The following ZNF81 variants were observed in gnomAD, a reference collection of about 807,000 sequenced individuals.
The protein encoded by ZNF81 is zinc finger protein 81, also known as zinc finger protein 81 (HFZ20).
In ZNF81, 5 loss-of-function variants were observed where a neutral mutation model predicts 32.3. The observed-to-expected ratio is 0.15, with a 90% CI of 0.08 to 0.33. ZNF81 has a LOEUF of 0.33. Ranked by LOEUF, ZNF81 falls within the 10% of genes least tolerant of loss-of-function variation. The pLI is 1.00. For missense variants in ZNF81, 379 were observed against 479.8 expected (o/e 0.79, Z 1.96); for synonymous variants, 163 against 166.8 (o/e 0.98, Z 0.17).
Position 47,918,046 on chromosome X carries a change from C to T in ZNF81, c.*1414C>T, listed in dbSNP as rs1402273737. 1 of 110,880 alleles carries T rather than the reference C, an allele frequency of 9.0e-6. No individual in the cohort carries two copies. Among genetic ancestry groups the T allele is most frequent in the Non-Finnish European group, 1.9e-5 (1 of 52,983 alleles). 9.1% of individuals were successfully genotyped at this position (110,880 alleles called of 1,213,427 possible). A position where few individuals can be genotyped will look rare whatever the true frequency, so the allele number is the denominator to read the frequency against. On this transcript the variant is annotated 3_prime_UTR_variant, in exon 5 of 5. Transcript: ENST00000338637. ...ACTCTGTGGGAAGATAGAGAATGGA[C>T]CAAACGAACTGGTGGATCTGGCTAA...
chrX:47,860,942 T>A (rs1556882486), intron 2 of ZNF81: 1 of 112,335 alleles, frequency 8.9e-6, no homozygotes, highest in Non-Finnish European at 1.9e-5. Context: ...TCCCATGCAG[T>A]TTCCTGGGTG....
chrX:47,902,583 T>C (rs1382661942), intron 4 of ZNF81, among the ~76,000 whole-genome samples: 1 of 112,460 alleles, frequency 8.9e-6, no homozygotes, highest in Admixed American at 9.4e-5. Flanking sequence ...TTTCAAAGGA[T>C]TGAAGTCATA....
intron 4 of ZNF81, among the ~76,000 whole-genome samples, chrX:47,908,151 T>G (rs1305005142): frequency 1.8e-5 from 2 of 111,015 alleles, no homozygotes; most frequent in African/African-American, 6.5e-5. Context: ...ATACATATAT[T>G]TGACAAATGA....
At position 47,846,211 on chromosome X, in the gene ZNF81, A is replaced by C; in HGVS notation, c.-57A>C. 1 of 1,174,997 alleles carries C rather than the reference A, an allele frequency of 8.5e-7. No homozygotes were observed. The highest frequency in any genetic ancestry group is 1.1e-6 in the Non-Finnish European group (1 of 871,287). On this transcript the variant is annotated 5_prime_UTR_variant, in exon 2 of 5. Coordinates refer to ENST00000338637, the MANE Select transcript of ZNF81 (RefSeq NM_007137.5). Reference sequence around the variant, plus strand: ...CCGTTGAGTCCACCGATCCCACTGGAATTATAAAGTTGTCAGCAAGAAAGC... The same window carrying C: ...CCGTTGAGTCCACCGATCCCACTGGCATTATAAAGTTGTCAGCAAGAAAGC...
chrX:47,839,782 G>T (rs782020027), intron 1 of ZNF81, among the ~76,000 whole-genome samples: 1 of 111,912 alleles, frequency 8.9e-6, no homozygotes, highest in South Asian at 3.7e-4. Context: ...TTGAATTTAT[G>T]TGCACAAAGT....
chrX:47,850,897 A>G (rs1343068240), intron 2 of ZNF81, among the ~76,000 whole-genome samples: 1 of 41,861 alleles, frequency 2.4e-5, no homozygotes, highest in East Asian at 1.2e-3. Context: ...GCGCGCACAC[A>G]CACACACACA....
intron 2 of ZNF81, among the ~76,000 whole-genome samples, chrX:47,850,637 C>T (rs1349488693): frequency 2.9e-5 from 3 of 104,139 alleles, no homozygotes; most frequent in East Asian, 3.0e-4. Context: ...GTAAGGCTTC[C>T]GGCCAGGGAG....
chrX:47,924,293 T>C lies in ZNF81; in HGVS notation c.*7661T>C, dbSNP rs1396671169. ...CTGCTCTTCTAAAATTGAGTGATGT[T>C]ATTAAGAAGTCTTAGACAAACTTGC... On this transcript the variant is annotated 3_prime_UTR_variant, in exon 5 of 5. Transcript: ENST00000338637. Among the ~76,000 whole-genome samples, 1 of 112,192 alleles carries C rather than the reference T, an allele frequency of 8.9e-6. No homozygotes were observed. The highest frequency in any genetic ancestry group is 1.9e-5 in the Non-Finnish European group (1 of 53,250).
chrX:47,866,069 C>A (rs1320526374), intron 2 of ZNF81, among the ~76,000 whole-genome samples: 2 of 112,055 alleles, frequency 1.8e-5, no homozygotes, highest in African/African-American at 6.5e-5. Flanking sequence ...GAGAGTACTG[C>A]AAACCTGTGT....
At position 47,924,079 on chromosome X, in the gene ZNF81, T is replaced by C. The variant is rs2058784541; in HGVS notation, c.*7447T>C. 8.9e-6 allele frequency among the ~76,000 whole-genome samples: 1 copy of C among 111,822 alleles called. No individual in the cohort carries two copies. Among genetic ancestry groups the C allele is most frequent in the Non-Finnish European group, 1.9e-5 (1 of 53,181 alleles). On this transcript the variant is annotated 3_prime_UTR_variant, in exon 5 of 5. Transcript: ENST00000338637. Reference sequence around the variant, plus strand: ...TCAGATTTTCCTGAAAGCTCTGATTTATCCACCCATGCTAATGTCTCAAAA... The same window carrying C: ...TCAGATTTTCCTGAAAGCTCTGATTCATCCACCCATGCTAATGTCTCAAAA...
intron 3 of ZNF81, among the ~76,000 whole-genome samples, chrX:47,893,751 T>C (rs957517168): frequency 8.5e-5 from 9 of 106,296 alleles, no homozygotes; most frequent in Non-Finnish European, 1.5e-4. Flanking sequence ...GCTGAGATGG[T>C]ACCACTGCAC....
Position 47,924,754 on chromosome X carries a change from TC to T in ZNF81, c.*8125del, listed in dbSNP as rs1556892461. Among the ~76,000 whole-genome samples the T allele has an allele frequency of 1.8e-5, 2 of 111,576 alleles. No homozygotes were observed. The highest frequency in any genetic ancestry group is 9.6e-5 in the Admixed American group (1 of 10,471). On this transcript the variant is annotated 3_prime_UTR_variant, in exon 5 of 5. Transcript: ENST00000338637. Reference sequence around the variant, plus strand: ...ATAGTAAAGATAGAGAATGTCTCCCTCCCTGGAGACTTTCCCAGAGAAGATT... The same window carrying T: ...ATAGTAAAGATAGAGAATGTCTCCCTCCTGGAGACTTTCCCAGAGAAGATT...
chrX:47,889,875 C>A (rs1259216661), intron 3 of ZNF81, among the ~76,000 whole-genome samples: 2 of 110,567 alleles, frequency 1.8e-5, no homozygotes, highest in Non-Finnish European at 3.8e-5. Context: ...TTCATGAGAA[C>A]AGCACCAAGG....
In ZNF81 at chrX:47,925,414, T is replaced by C. The variant is rs2058787671; in HGVS notation, c.*8782T>C. ...ATTTTATACACATGGAATAATACTATAGGTACTCTTGTTTGGCTCCTTCCA... is the reference window on the plus strand; with the variant it reads ...ATTTTATACACATGGAATAATACTACAGGTACTCTTGTTTGGCTCCTTCCA... On this transcript the variant is annotated 3_prime_UTR_variant, in exon 5 of 5. Coordinates refer to ENST00000338637, the MANE Select transcript of ZNF81 (RefSeq NM_007137.5). Among the ~76,000 whole-genome samples the C allele has an allele frequency of 8.9e-6, 1 of 112,142 alleles. No homozygotes were observed. The highest frequency in any genetic ancestry group is 9.5e-5 in the Admixed American group (1 of 10,560).
chrX:47,857,512 T>C (rs1212164361), intron 2 of ZNF81, among the ~76,000 whole-genome samples: 3 of 111,615 alleles, frequency 2.7e-5, no homozygotes, highest in Non-Finnish European at 5.6e-5. Flanking sequence ...GGACGGAAAA[T>C]TATAGATTTG....
intron 2 of ZNF81, among the ~76,000 whole-genome samples, chrX:47,877,441 G>A (rs1479381300): frequency 8.9e-6 from 1 of 112,027 alleles, no homozygotes; most frequent in Non-Finnish European, 1.9e-5. Context: ...AGAGAACGCG[G>A]TGCCATGCCA....
intron 1 of ZNF81, among the ~76,000 whole-genome samples, chrX:47,839,883 A>G (rs2058439668): frequency 9.1e-6 from 1 of 109,939 alleles, no homozygotes; most frequent in Non-Finnish European, 1.9e-5. Flanking sequence ...CTTGGAATGC[A>G]GCCCAACACA....
At chrX:47,851,146 G>A (rs1426744994) in intron 2 of ZNF81, among the ~76,000 whole-genome samples, 2 of 111,574 alleles carry the variant, frequency 1.8e-5, no homozygotes, top group African/African-American at 6.5e-5. Context: ...ACATTTAAAT[G>A]GTTTCTAATC....
chrX:47,909,617 A>C lies in ZNF81; in HGVS notation c.278-5307A>C, dbSNP rs186142562. 3.1e-5 allele frequency among the ~76,000 whole-genome samples: 3 copies of C among 98,201 alleles called. No individual in the cohort carries two copies. The East Asian group carries it at 9.4e-4, about 31-fold the overall frequency. The allele number at this position is 98,201 out of a possible 115,157, so 85.3% of individuals were successfully genotyped here. A position where few individuals can be genotyped will look rare whatever the true frequency, so the allele number is the denominator to read the frequency against. ...CTTTTTTTTCTTTTTCTTTTTTTTTAATTATTATACTTTAAGTTTTAGGGT... is the reference window on the plus strand; with the variant it reads ...CTTTTTTTTCTTTTTCTTTTTTTTTCATTATTATACTTTAAGTTTTAGGGT... On this transcript the variant is annotated intron_variant, in intron 4 of 4. Coordinates refer to ENST00000338637, the MANE Select transcript of ZNF81 (RefSeq NM_007137.5).
Sources: allele counts gnomAD v4.1 joint callset (sites outside exome capture counted in the v4.1 genomes callset), GRCh38; gene constraint gnomAD v4.1.1; transcripts MANE v1.5; gene names NCBI Gene and HGNC (gene_info 2026-07-23, HGNC 2026-07-21).